LUZP2: variants seen among roughly 807,000 people sequenced by gnomAD.
LUZP2 encodes the protein leucine zipper protein 2.
In LUZP2, 52 loss-of-function variants were observed where a neutral mutation model predicts 51.6. The ratio of observed to expected loss-of-function variants is 1.01; its 90% CI spans 0.81 to 1.27. LUZP2 has a LOEUF of 1.27. Ranked by LOEUF, LUZP2 falls within the 50% of genes most tolerant of loss-of-function variation. The pLI is 0.00. For synonymous variants in LUZP2, 154 were observed against 137.3 expected, an observed-to-expected ratio of 1.12 and a Z score of -0.85; for missense variants, 436 against 395.4, an observed-to-expected ratio of 1.10 and a Z score of -0.87.
chr11:25,034,632 T>C (rs11028368), intron 9 of LUZP2, among the ~76,000 whole-genome samples: 11,818 of 152,212 alleles, frequency 0.078, 1,483 homozygotes, highest in African/African-American at 0.26. Flanking sequence ...TTCAATCTTC[T>C]ACGTGTGGTT....
At chr11:24,610,138 T>C (rs1854071765) in intron 1 of LUZP2, among the ~76,000 whole-genome samples, 1 of 152,170 alleles carries the variant, frequency 6.6e-6, no homozygotes, top group South Asian at 2.1e-4. Flanking sequence ...GACTGAAGAA[T>C]GGCGTTCGAA....
chr11:24,658,307 A>C (rs1009254837), intron 1 of LUZP2, among the ~76,000 whole-genome samples: 7 of 152,224 alleles, frequency 4.6e-5, no homozygotes, highest in Admixed American at 3.3e-4. Flanking sequence ...CAAATCTGAC[A>C]AAAACAAGAC....
At chr11:24,981,896 A>T (rs1308636838) in intron 8 of LUZP2, among the ~76,000 whole-genome samples, 2 of 151,238 alleles carry the variant, frequency 1.3e-5, no homozygotes, top group East Asian at 1.9e-4. Context: ...TATACAAGGA[A>T]TTTAAATTTT....
intron 7 of LUZP2, among the ~76,000 whole-genome samples, chr11:24,957,743 C>G (rs1286290633): frequency 3.9e-5 from 6 of 151,932 alleles, no homozygotes; most frequent in Non-Finnish European, 8.8e-5. Context: ...ATGGTGAACA[C>G]AGGTTGATTT....
At chr11:24,749,881 C>T (rs954520903) in intron 4 of LUZP2, among the ~76,000 whole-genome samples, 9 of 152,194 alleles carry the variant, frequency 5.9e-5, no homozygotes, top group Admixed American at 2.0e-4. Flanking sequence ...TTTTGGATTC[C>T]GACTGAGCCG....
intron 1 of LUZP2, among the ~76,000 whole-genome samples, chr11:24,628,216 C>CACACACACACCCATGCAT (rs1405050968): frequency 2.4e-4 from 12 of 50,832 alleles, no homozygotes; most frequent in African/African-American, 9.1e-4. Context: ...CATGCATACA[C>CACACACACACCCATGCAT]ACACACACAC....
At chr11:24,542,845 C>T (rs1851416896) in intron 1 of LUZP2, among the ~76,000 whole-genome samples, 2 of 151,108 alleles carry the variant, frequency 1.3e-5, no homozygotes, top group South Asian at 4.2e-4. Context: ...GAAAATAAAT[C>T]TGTAGCTATG....
intron 7 of LUZP2, among the ~76,000 whole-genome samples, chr11:24,949,272 C>T (rs1392615039): frequency 2.6e-5 from 4 of 151,176 alleles, no homozygotes; most frequent in Non-Finnish European, 1.5e-5. Flanking sequence ...TTCTTCCTAT[C>T]TATCTATTAT....
intron 1 of LUZP2, among the ~76,000 whole-genome samples, chr11:24,507,049 A>G (rs1850165085): frequency 6.6e-6 from 1 of 152,114 alleles, no homozygotes; most frequent in Non-Finnish European, 1.5e-5. Context: ...TAGTTTGAAA[A>G]TCAGCCAAAT....
intron 8 of LUZP2, among the ~76,000 whole-genome samples, chr11:24,980,772 T>A (rs992980343): frequency 6.6e-6 from 1 of 151,598 alleles, no homozygotes; most frequent in East Asian, 2.0e-4. Flanking sequence ...GAGACATACA[T>A]TTTAAGTGGC....
intron 5 of LUZP2, among the ~76,000 whole-genome samples, chr11:24,797,582 C>T (rs1162666966): frequency 6.6e-6 from 1 of 152,120 alleles, no homozygotes; most frequent in African/African-American, 2.4e-5. Context: ...AAACTTGCCT[C>T]CTGGTGATAA....
intron 5 of LUZP2, among the ~76,000 whole-genome samples, chr11:24,766,593 GA>G (rs1193545524): frequency 6.6e-6 from 1 of 152,100 alleles, no homozygotes; most frequent in Non-Finnish European, 1.5e-5. Flanking sequence ...AGAGATTTAA[GA>G]AAAATCTGCA....
intron 9 of LUZP2, among the ~76,000 whole-genome samples, chr11:24,986,015 C>A (rs1158519285): frequency 6.6e-6 from 1 of 151,622 alleles, no homozygotes; most frequent in Non-Finnish European, 1.5e-5. Flanking sequence ...GACAAAAGTG[C>A]ATTTATTCCC....
intron 5 of LUZP2, among the ~76,000 whole-genome samples, chr11:24,882,553 G>T (rs890528125): frequency 6.6e-6 from 1 of 151,988 alleles, no homozygotes; most frequent in African/African-American, 2.4e-5. Flanking sequence ...ATCCATCATT[G>T]TAGTATTATA....
intron 9 of LUZP2, among the ~76,000 whole-genome samples, chr11:24,988,055 T>C (rs934844582): frequency 6.6e-6 from 1 of 152,026 alleles, no homozygotes; most frequent in Non-Finnish European, 1.5e-5. Context: ...GAAAGGACTC[T>C]AAGAAGTAAG....
At position 25,050,067 on chromosome 11, in the gene LUZP2, G is replaced by A. The variant is rs1264306521; in HGVS notation, c.795G>A (p.Glu265=). 8 of 1,597,138 alleles carry A rather than the reference G, an allele frequency of 5.0e-6. No homozygotes were observed. In the African/African-American group the frequency reaches 5.4e-5, roughly 11 times the overall value. ...KPQQSASGNN[E]SSQVESTKEG... ...AACAAAGTGCTTCTGGAAACAATGA[G>A]AGCTCTCAAGTTGAGTCAACAAAGG... The change falls in exon 10 of 12, where the codon GAG becomes GAA. Residue 265 remains glutamate, a synonymous_variant. Transcript: ENST00000336930.
intron 9 of LUZP2, among the ~76,000 whole-genome samples, chr11:25,010,823 G>T (rs1161306768): frequency 6.6e-6 from 1 of 151,940 alleles, no homozygotes; most frequent in African/African-American, 2.4e-5. Flanking sequence ...CTCCAGCCTG[G>T]GTGACAGAGT....
intron 7 of LUZP2, among the ~76,000 whole-genome samples, chr11:24,916,122 T>C (rs1044412765): frequency 2.6e-5 from 4 of 151,996 alleles, no homozygotes; most frequent in Non-Finnish European, 5.9e-5. Context: ...ATGAATTAAG[T>C]GCCCTTATTA....
intron 10 of LUZP2, among the ~76,000 whole-genome samples, chr11:25,067,663 G>A (rs1162323253): frequency 1.3e-5 from 2 of 152,158 alleles, no homozygotes; most frequent in East Asian, 1.9e-4. Flanking sequence ...TCATTAAAAA[G>A]TCAGGAAACA....
Sources: gnomAD v4.1 joint callset for allele counts (sites outside exome capture counted in the v4.1 genomes callset) on GRCh38, gnomAD v4.1.1 for gene constraint, MANE v1.5 for transcripts, NCBI Gene and HGNC (gene_info 2026-07-23, HGNC 2026-07-21) for gene names.